ANKS1B: variants seen among roughly 807,000 people sequenced by gnomAD.
ANKS1B encodes the protein ankyrin repeat and sterile alpha motif domain containing 1B.
In ANKS1B, 36 loss-of-function variants were observed where a neutral mutation model predicts 148.3. That is an observed-to-expected ratio of 0.24 (90% CI 0.19 to 0.32). The LOEUF is 0.32. Ranked by LOEUF, ANKS1B falls within the 10% of genes least tolerant of loss-of-function variation. The pLI is 1.00. For missense variants in ANKS1B, 1,157 were observed against 1,542.6 expected (o/e 0.75, Z 4.19); for synonymous variants, 542 against 560.8 (o/e 0.97, Z 0.47).
At chr12:99,979,214 A>G (rs1334669241) in intron 1 of ANKS1B, among the ~76,000 whole-genome samples, 1 of 152,120 alleles carries the variant, frequency 6.6e-6, no homozygotes, top group Non-Finnish European at 1.5e-5. Flanking sequence ...TAAGGATGAA[A>G]GGGGGTAGTA....
chr12:99,390,860 G>A (rs957047968), intron 12 of ANKS1B, among the ~76,000 whole-genome samples: 3 of 152,332 alleles, frequency 2.0e-5, no homozygotes, highest in African/African-American at 7.2e-5. Context: ...AAGGGGAGAG[G>A]TGACCGCTGC....
At chr12:99,443,601 A>T in intron 11 of ANKS1B, 72 bp downstream of exon 11, 1 of 1,494,726 alleles carries the variant, frequency 6.7e-7, no homozygotes, top group Non-Finnish European at 9.2e-7. Flanking sequence ...GCATTGCAAT[A>T]TAAGTGATGT....
At chr12:99,711,075 A>C (rs1465888691) in intron 8 of ANKS1B, among the ~76,000 whole-genome samples, 2 of 152,094 alleles carry the variant, frequency 1.3e-5, no homozygotes, top group Admixed American at 6.5e-5. Context: ...TCACTTTTCC[A>C]GCTCTGATTG....
rs544211127 is a variant in ANKS1B at position 98,744,418 on chromosome 12, T to C, written c.*1321A>G. On this transcript the variant is annotated 3_prime_UTR_variant, in exon 27 of 27. Coordinates refer to ENST00000683438, the MANE Select transcript of ANKS1B (RefSeq NM_001352186.2). ...ATTCCACAATTTATCAATATCGCTATAATGAACTTCAAAATGATTCACAAT... is the reference window on the plus strand; with the variant it reads ...ATTCCACAATTTATCAATATCGCTACAATGAACTTCAAAATGATTCACAAT... The C allele has an allele frequency of 1.5e-5, 13 of 854,548 alleles. No individual in the cohort carries two copies. In the East Asian group the frequency reaches 8.6e-4, roughly 56 times the overall value. 52.9% of individuals were successfully genotyped at this position (854,548 alleles called of 1,614,324 possible).
chr12:99,032,007 T>C (rs1018965933), intron 17 of ANKS1B, among the ~76,000 whole-genome samples: 3 of 152,238 alleles, frequency 2.0e-5, no homozygotes, highest in Non-Finnish European at 4.4e-5. Flanking sequence ...GTTCTCTTTA[T>C]GCCTACTGTC....
chr12:98,979,499 C>A (rs2099905681), intron 17 of ANKS1B, among the ~76,000 whole-genome samples: 1 of 151,996 alleles, frequency 6.6e-6, no homozygotes, highest in Admixed American at 6.6e-5. Flanking sequence ...TCTCGATCTC[C>A]TGAACTCGTG....
intron 9 of ANKS1B, among the ~76,000 whole-genome samples, chr12:99,614,909 T>A (rs2097939218): frequency 6.6e-6 from 1 of 150,536 alleles, no homozygotes; most frequent in Non-Finnish European, 1.5e-5. Context: ...AAAAAGTTGC[T>A]TTAGTTTAAG....
intron 12 of ANKS1B, among the ~76,000 whole-genome samples, chr12:99,354,384 C>T (rs1024583407): frequency 4.6e-5 from 7 of 152,008 alleles, no homozygotes; most frequent in African/African-American, 1.7e-4. Context: ...AGTGGTCAAA[C>T]TACATGCTTC....
chr12:99,590,958 T>C (rs2097696859), intron 9 of ANKS1B, among the ~76,000 whole-genome samples: 1 of 152,176 alleles, frequency 6.6e-6, no homozygotes, highest in Admixed American at 6.6e-5. Context: ...TGGAACAAAT[T>C]ATTGCAAATT....
chr12:99,180,261 T>C (rs1443009350), intron 14 of ANKS1B, among the ~76,000 whole-genome samples: 1 of 152,212 alleles, frequency 6.6e-6, no homozygotes, highest in African/African-American at 2.4e-5. Context: ...CTTTTGATAC[T>C]GTTAAAAATG....
chr12:99,689,392 G>A (rs530556679), intron 8 of ANKS1B, among the ~76,000 whole-genome samples: 19 of 152,198 alleles, frequency 1.2e-4, no homozygotes, highest in African/African-American at 2.7e-4. Flanking sequence ...AGCTTAGTGC[G>A]TGTGGCAGGC....
At chr12:99,429,850 G>A (rs1402178909) in intron 11 of ANKS1B, among the ~76,000 whole-genome samples, 5 of 152,092 alleles carry the variant, frequency 3.3e-5, no homozygotes, top group Non-Finnish European at 5.9e-5. Context: ...TGTGGTCCCA[G>A]CTACTCGGGC....
intron 9 of ANKS1B, among the ~76,000 whole-genome samples, chr12:99,629,268 G>A (rs879866428): frequency 2.0e-5 from 3 of 152,124 alleles, no homozygotes; most frequent in Non-Finnish European, 4.4e-5. Context: ...AGCTAGCATA[G>A]GTTGTTGGCT....
At chr12:99,721,176 C>T (rs545432098) in intron 8 of ANKS1B, among the ~76,000 whole-genome samples, 2 of 152,274 alleles carry the variant, frequency 1.3e-5, no homozygotes, top group East Asian at 3.9e-4. Context: ...TAATATCTCC[C>T]ACTCTAGGTT....
At chr12:98,995,970 T>C (rs1228174943) in intron 17 of ANKS1B, among the ~76,000 whole-genome samples, 1 of 152,096 alleles carries the variant, frequency 6.6e-6, no homozygotes, top group Admixed American at 6.5e-5. Flanking sequence ...CAGATTAGTA[T>C]ATACATGTGC....
In ANKS1B at chr12:99,808,638, T is replaced by C. The variant is rs140246656; in HGVS notation, c.373-1938A>G. On this transcript the variant is annotated intron_variant, in intron 3 of 26. Transcript: ENST00000683438. ...CTGGTCTTCTTATCTGTTTTTCTTA[T>C]CAGGCTTATAAAACAGCCAATCTTA... Among the ~76,000 whole-genome samples the C allele has an allele frequency of 2.7e-3, 407 of 152,230 alleles. 1 individual carries two copies. The highest frequency in any genetic ancestry group is 8.8e-3 in the African/African-American group (364 of 41,564).
intron 12 of ANKS1B, among the ~76,000 whole-genome samples, chr12:99,332,343 G>T (rs1328091836): frequency 6.6e-6 from 1 of 152,026 alleles, no homozygotes; most frequent in African/African-American, 2.4e-5. Context: ...TAGGCAGATA[G>T]ATTACAACTG....
In ANKS1B at chr12:99,760,801, A is replaced by C. The variant is rs546147891; in HGVS notation, c.1128+12121T>G. Among the ~76,000 whole-genome samples, 28 of 151,740 alleles carry C rather than the reference A, an allele frequency of 1.8e-4. 1 individual carries two copies. Among genetic ancestry groups the C allele is most frequent in the African/African-American group, 6.7e-4 (28 of 41,526 alleles). On this transcript the variant is annotated intron_variant, in intron 8 of 26. Transcript: ENST00000683438. ...ATAAGATCAATAGGCTGGCAGCTAC[A>C]TTAACAAAGAAAGAAGAGACAATAT...
intron 12 of ANKS1B, among the ~76,000 whole-genome samples, chr12:99,394,502 G>A (rs1307073458): frequency 6.6e-6 from 1 of 151,904 alleles, no homozygotes; most frequent in Non-Finnish European, 1.5e-5. Context: ...CAACCAAATT[G>A]CTCTTGTCAA....
Sources: allele counts gnomAD v4.1 joint callset (sites outside exome capture counted in the v4.1 genomes callset), GRCh38; gene constraint gnomAD v4.1.1; transcripts MANE v1.5; gene names NCBI Gene and HGNC (gene_info 2026-07-23, HGNC 2026-07-21).